RAPGEF6: variants seen among roughly 807,000 people sequenced by gnomAD.
The protein encoded by RAPGEF6 is Rap guanine nucleotide exchange factor 6.
In RAPGEF6, 56 loss-of-function variants were observed where a neutral mutation model predicts 171.4. That is an observed-to-expected ratio of 0.33 (90% confidence interval 0.26 to 0.41). RAPGEF6 has a LOEUF of 0.41. Among genes scored for constraint, RAPGEF6 ranks in the 10% least tolerant of loss-of-function variants. The pLI is 1.00. For synonymous variants in RAPGEF6, 692 were observed against 650.1 expected, an observed-to-expected ratio of 1.06 and a Z score of -0.98; for missense variants, 1,674 against 1,921.4, an observed-to-expected ratio of 0.87 and a Z score of 2.41.
intron 26 of RAPGEF6, among the ~76,000 whole-genome samples, chr5:131,429,498 T>C (rs1335045050): frequency 2.0e-5 from 3 of 152,102 alleles, no homozygotes; most frequent in Non-Finnish European, 4.4e-5. Flanking sequence ...TCAGCCCCCA[T>C]ATCACAGAAG....
chr5:131,505,763 A>G (rs1190648482), intron 9 of RAPGEF6, among the ~76,000 whole-genome samples: 1 of 152,188 alleles, frequency 6.6e-6, no homozygotes, highest in Non-Finnish European at 1.5e-5. Context: ...AGATTCTGAG[A>G]CAAAATAGTG....
At chr5:131,501,887 A>G (rs1384947105) in intron 11 of RAPGEF6, among the ~76,000 whole-genome samples, 2 of 152,204 alleles carry the variant, frequency 1.3e-5, no homozygotes, top group Non-Finnish European at 2.9e-5. Context: ...GTATGTGTTT[A>G]TAACAAATAC....
At chr5:131,480,756 G>A (rs960845166) in intron 15 of RAPGEF6, among the ~76,000 whole-genome samples, 4 of 152,012 alleles carry the variant, frequency 2.6e-5, no homozygotes, top group Non-Finnish European at 4.4e-5. Context: ...TGGGATTACA[G>A]GCATGAGCCA....
intron 7 of RAPGEF6, among the ~76,000 whole-genome samples, chr5:131,512,249 A>G (rs556129776): frequency 6.6e-6 from 1 of 152,330 alleles, no homozygotes; most frequent in South Asian, 2.1e-4. Flanking sequence ...TACGGAGCCA[A>G]AAGACCAGAA....
intron 21 of RAPGEF6, chr5:131,446,932 CT>C: frequency 2.1e-6 from 1 of 473,094 alleles, no homozygotes. Flanking sequence ...CAATGGCCCC[CT>C]GAGTGGCATA....
chr5:131,470,456 C>G (rs932786891), intron 17 of RAPGEF6, among the ~76,000 whole-genome samples: 1 of 152,198 alleles, frequency 6.6e-6, no homozygotes, highest in Non-Finnish European at 1.5e-5. Context: ...ACTTACTTCT[C>G]TCTTGCCTCC....
intron 1 of RAPGEF6, among the ~76,000 whole-genome samples, chr5:131,616,546 G>C (rs886447609): frequency 6.6e-6 from 1 of 152,046 alleles, no homozygotes; most frequent in African/African-American, 2.4e-5. Flanking sequence ...AACTCAAACT[G>C]GGATGCTTAA....
rs146056349 is a variant in RAPGEF6, at chr5:131,442,378, T to G, written c.3581A>C (p.Lys1194Thr). ...TGCAGGGTCTTTTGTTTGTCCCTTC[T>G]TCCTGATGGGGTGCAAATTAACAGC... is the stretch of plus-strand genomic sequence containing the variant. ...VPAVNLHPIRKKGQTKDPALN... is the reference protein window; with the variant it reads ...VPAVNLHPIRTKGQTKDPALN... The change falls in exon 23 of 28, where the codon AAG becomes ACG. Residue 1194 changes from lysine (K) to threonine (T), a missense_variant. By Grantham distance (78) the Lys-to-Thr change is moderately conservative. Transcript: ENST00000509018. The G allele has an allele frequency of 5.6e-6, 9 of 1,614,132 alleles. No homozygotes were observed. The highest frequency in any genetic ancestry group is 6.8e-6 in the Non-Finnish European group (8 of 1,179,990).
chr5:131,487,065 G>A lies in RAPGEF6; in HGVS notation c.1840+2481C>T, dbSNP rs566614613. Among the ~76,000 whole-genome samples the A allele has an allele frequency of 1.1e-4, 16 of 152,216 alleles. No individual in the cohort carries two copies. In the South Asian group the frequency reaches 1.2e-3, roughly 12 times the overall value. On this transcript the variant is annotated intron_variant, in intron 15 of 27. Coordinates refer to ENST00000509018, the MANE Select transcript of RAPGEF6 (RefSeq NM_016340.6). Reference sequence around the variant, plus strand: ...TTCCTTCCGGTGGGTTCCTGGTCTCGCTGACTTCAAGAATGAAGATGCAGA... The same window carrying A: ...TTCCTTCCGGTGGGTTCCTGGTCTCACTGACTTCAAGAATGAAGATGCAGA...
chr5:131,472,137 T>C lies in RAPGEF6; in HGVS notation c.2239+450A>G, dbSNP rs183163333. 778 of 203,646 alleles carry C rather than the reference T, an allele frequency of 3.8e-3. 11 individuals are homozygous for C. The highest frequency in any genetic ancestry group is 0.017 in the African/African-American group (739 of 42,764). The allele number at this position is 203,646 out of a possible 1,614,324, so 12.6% of individuals were successfully genotyped here. A position where few individuals can be genotyped will look rare whatever the true frequency, so the allele number is the denominator to read the frequency against. On this transcript the variant is annotated intron_variant, in intron 17 of 27. Transcript: ENST00000509018. The stretch of plus-strand genomic sequence containing the variant: ...CCCAGGCTGGAGTGCAGTGGTCCGA[T>C]CTCGGCTCACTGCAAGCTCTGCCTC...
At chr5:131,439,548 TA>T in intron 24 of RAPGEF6, 32 bp downstream of exon 24, 1 of 1,576,628 alleles carries the variant, frequency 6.3e-7, no homozygotes, top group Non-Finnish European at 8.6e-7. Flanking sequence ...TTGTTTAGTT[TA>T]ACAAGAACTA....
At chr5:131,588,996 G>A (rs1763431076) in intron 4 of RAPGEF6, among the ~76,000 whole-genome samples, 1 of 152,054 alleles carries the variant, frequency 6.6e-6, no homozygotes, top group Non-Finnish European at 1.5e-5. Context: ...CCAGAACCCG[G>A]GAGGCAGAGA....
In RAPGEF6 at chr5:131,521,891, A is replaced by ACT. The variant is rs144983094; in HGVS notation, c.496-372_496-371dup. On this transcript the variant is annotated intron_variant, in intron 6 of 27. Transcript: ENST00000509018. ...CACACACACACACACACACACACAC[A>ACT]CTCTCTCTCTCTCTCACACACACAC... Among the ~76,000 whole-genome samples the ACT allele has an allele frequency of 4.6e-3, 567 of 123,568 alleles. 13 individuals carry two copies. Among genetic ancestry groups the ACT allele is most frequent in the African/African-American group, 0.012 (413 of 33,732 alleles). 81.1% of individuals were successfully genotyped at this position (123,568 alleles called of 152,430 possible).
chr5:131,440,553 C>A (rs906354965), intron 23 of RAPGEF6, among the ~76,000 whole-genome samples: 45 of 151,610 alleles, frequency 3.0e-4, no homozygotes, highest in African/African-American at 1.1e-3. Flanking sequence ...GCCTGGCCAC[C>A]ATGGTGAAAC....
intron 5 of RAPGEF6, among the ~76,000 whole-genome samples, chr5:131,552,951 T>G (rs982903518): frequency 6.6e-6 from 1 of 152,060 alleles, no homozygotes; most frequent in Non-Finnish European, 1.5e-5. Context: ...CTGAAAGTAT[T>G]AGAGAATAGA....
chr5:131,577,681 T>C (rs201630141), intron 4 of RAPGEF6, among the ~76,000 whole-genome samples: 3 of 152,202 alleles, frequency 2.0e-5, no homozygotes. Context: ...TACAGTACCC[T>C]AACTGCCGTC....
At chr5:131,549,961 G>A (rs558543390) in intron 5 of RAPGEF6, among the ~76,000 whole-genome samples, 7 of 151,942 alleles carry the variant, frequency 4.6e-5, no homozygotes, top group Non-Finnish European at 1.0e-4. Context: ...TCCACAGTAC[G>A]ACAGTCCTAA....
At chr5:131,489,914 A>G (rs1360537831) in intron 14 of RAPGEF6, among the ~76,000 whole-genome samples, 1 of 152,148 alleles carries the variant, frequency 6.6e-6, no homozygotes, top group East Asian at 1.9e-4. Context: ...TTTAAAAAAT[A>G]CCCACACCAG....
chr5:131,448,900 C>A (rs967892760), intron 21 of RAPGEF6, among the ~76,000 whole-genome samples: 2 of 151,782 alleles, frequency 1.3e-5, no homozygotes, highest in Admixed American at 1.3e-4. Flanking sequence ...CCAAAAGAGA[C>A]CAAGACATAA....
Sources: gnomAD v4.1 joint callset for allele counts (sites outside exome capture counted in the v4.1 genomes callset) on GRCh38, gnomAD v4.1.1 for gene constraint, MANE v1.5 for transcripts, NCBI Gene and HGNC (gene_info 2026-07-23, HGNC 2026-07-21) for gene names.